Variants in FRMD6 observed in about 807,000 individuals in gnomAD.
The protein encoded by FRMD6 is FERM domain-containing protein 6.
Under a neutral mutation model 73.2 loss-of-function variants are expected in FRMD6, and 37 were observed. That is an observed-to-expected ratio of 0.51 (90% CI 0.39 to 0.66). The LOEUF (loss-of-function observed/expected upper bound fraction) is 0.66, where lower values mean the gene tolerates loss of function less well. Among genes scored for constraint, FRMD6 ranks in the 30% least tolerant of loss-of-function variants. The pLI is 0.00. For missense variants in FRMD6, 714 were observed against 780.5 expected, an observed-to-expected ratio of 0.91 and a Z score of 1.02; for synonymous variants, 273 against 282.2, an observed-to-expected ratio of 0.97 and a Z score of 0.33.
chr14:51,663,995 A>G (rs187936605), intron 1 of FRMD6, among the ~76,000 whole-genome samples: 13 of 152,302 alleles, frequency 8.5e-5, no homozygotes, highest in African/African-American at 2.4e-4. Context: ...CCATCTCCCA[A>G]TGCTATTGCA....
intron 1 of FRMD6, among the ~76,000 whole-genome samples, chr14:51,655,104 A>G (rs1892725686): frequency 6.6e-6 from 1 of 152,024 alleles, no homozygotes; most frequent in African/African-American, 2.4e-5. Context: ...TCCTACTGTA[A>G]CACAGTTTGT....
chr14:51,676,010 G>A (rs1019644068), intron 1 of FRMD6, among the ~76,000 whole-genome samples: 12 of 151,908 alleles, frequency 7.9e-5, no homozygotes, highest in African/African-American at 2.9e-4. Flanking sequence ...AATTATTTTA[G>A]CACGTTTCTT....
chr14:51,422,899 A>G, the FRMD6 span, among the ~76,000 whole-genome samples: 1 of 152,214 alleles, frequency 6.6e-6, no homozygotes, highest in East Asian at 1.9e-4. Flanking sequence ...GAAGTTAGGC[A>G]TGGTCACATG....
intron 1 of FRMD6, among the ~76,000 whole-genome samples, chr14:51,490,044 A>G (rs576428196): frequency 2.5e-4 from 38 of 152,342 alleles, no homozygotes; most frequent in African/African-American, 8.9e-4. Context: ...TATGAGGGGT[A>G]TAACTTAGCA....
the FRMD6 span, among the ~76,000 whole-genome samples, chr14:51,413,141 C>T: frequency 0.013 from 1,978 of 151,958 alleles, 26 homozygotes; most frequent in African/African-American, 0.032. Context: ...CAGGCACACA[C>T]TACCACACTC....
At chr14:51,620,961 A>T (rs1227314950) in intron 2 of FRMD6, among the ~76,000 whole-genome samples, 1 of 152,140 alleles carries the variant, frequency 6.6e-6, no homozygotes, top group East Asian at 1.9e-4. Context: ...ATTCAGGGAG[A>T]AGCATCCAGG....
the FRMD6 span, among the ~76,000 whole-genome samples, chr14:51,409,142 C>G: frequency 6.6e-6 from 1 of 152,038 alleles, no homozygotes; most frequent in Non-Finnish European, 1.5e-5. Context: ...GAGCATGAAC[C>G]TCTTGTAAGC....
intron 2 of FRMD6, among the ~76,000 whole-genome samples, chr14:51,690,761 A>G (rs1895505312): frequency 6.6e-6 from 1 of 152,192 alleles, no homozygotes; most frequent in East Asian, 1.9e-4. Context: ...CTAGGTGCCT[A>G]TAGGCTGAAC....
chr14:51,447,235 A>T, the FRMD6 span, among the ~76,000 whole-genome samples: 1 of 152,002 alleles, frequency 6.6e-6, no homozygotes, highest in Non-Finnish European at 1.5e-5. Flanking sequence ...ATGTGGAGGG[A>T]CTTGTAAAAT....
intron 1 of FRMD6, among the ~76,000 whole-genome samples, chr14:51,498,451 G>A (rs923534217): frequency 6.6e-6 from 1 of 152,068 alleles, no homozygotes; most frequent in African/African-American, 2.4e-5. Flanking sequence ...AAGTGATTCC[G>A]ACGCTTAGTG....
chr14:51,520,909 C>G (rs1884921770), intron 1 of FRMD6, among the ~76,000 whole-genome samples: 1 of 151,538 alleles, frequency 6.6e-6, no homozygotes, highest in African/African-American at 2.4e-5. Context: ...GACCCTGTCT[C>G]AAAAATACGT....
chr14:51,415,818 C>T, the FRMD6 span, among the ~76,000 whole-genome samples: 15 of 152,286 alleles, frequency 9.8e-5, no homozygotes, highest in South Asian at 3.1e-3. Context: ...TTAATTATTG[C>T]CCCAATTTCA....
At chr14:51,595,194 A>C (rs1220627601) in intron 2 of FRMD6, among the ~76,000 whole-genome samples, 1 of 152,206 alleles carries the variant, frequency 6.6e-6, no homozygotes, top group African/African-American at 2.4e-5. Flanking sequence ...CCGTCTTGCC[A>C]AAGCTGCATC....
At chr14:51,481,434 C>T in the FRMD6 span, among the ~76,000 whole-genome samples, 1 of 152,196 alleles carries the variant, frequency 6.6e-6, no homozygotes, top group African/African-American at 2.4e-5. Flanking sequence ...ACCACGAGAA[C>T]AGTATGGGGG....
intron 2 of FRMD6, among the ~76,000 whole-genome samples, chr14:51,623,865 C>G (rs1428205249): frequency 6.6e-6 from 1 of 152,120 alleles, no homozygotes; most frequent in African/African-American, 2.4e-5. Flanking sequence ...CAAAAAGATG[C>G]TGTATGTCAA....
chr14:51,464,680 G>T, the FRMD6 span, among the ~76,000 whole-genome samples: 7 of 152,202 alleles, frequency 4.6e-5, no homozygotes, highest in Non-Finnish European at 1.0e-4. Context: ...ACTGCAGGAG[G>T]TGTTGTCCGA....
In FRMD6 at chr14:51,708,147, C is replaced by G. The variant is rs200154158; in HGVS notation, c.628C>G (p.Leu210Val). 5 of 1,613,338 alleles carry G rather than the reference C, an allele frequency of 3.1e-6. No individual in the cohort carries two copies. In the African/African-American group the frequency reaches 5.3e-5, roughly 17 times the overall value. ...AAACATGCACAAAGATCAGTTTGCACTAACAGCTTCCGAAGCTCATCTTAA... is the reference window on the plus strand; with the variant it reads ...AAACATGCACAAAGATCAGTTTGCAGTAACAGCTTCCGAAGCTCATCTTAA... ...IPNMHKDQFALTASEAHLKYI... is the reference protein window; with the variant it reads ...IPNMHKDQFAVTASEAHLKYI... The change falls in exon 7 of 14, where the codon CTA becomes GTA. Residue 210 changes from leucine to valine, a missense_variant. Coordinates refer to ENST00000344768, the MANE Select transcript of FRMD6 (RefSeq NM_001267046.2).
intron 1 of FRMD6, among the ~76,000 whole-genome samples, chr14:51,501,115 A>T (rs534132390): frequency 7.2e-5 from 11 of 152,346 alleles, no homozygotes; most frequent in African/African-American, 2.4e-4. Context: ...CTATGCACTG[A>T]ATAAGAAATT....
chr14:51,512,542 C>T (rs995137948), intron 1 of FRMD6, among the ~76,000 whole-genome samples: 1 of 152,176 alleles, frequency 6.6e-6, no homozygotes, highest in Non-Finnish European at 1.5e-5. Flanking sequence ...ACCTCAGCAA[C>T]TCCTTGCCCT....
Sources: gnomAD v4.1 joint callset for allele counts (sites outside exome capture counted in the v4.1 genomes callset) on GRCh38, gnomAD v4.1.1 for gene constraint, MANE v1.5 for transcripts, NCBI Gene and HGNC (gene_info 2026-07-23, HGNC 2026-07-21) for gene names.